Variants in EDEM3 observed in about 807,000 individuals in gnomAD.
The protein encoded by EDEM3 is ER degradation-enhancing alpha-mannosidase-like protein 3.
In EDEM3, 60 loss-of-function variants were observed where a neutral mutation model predicts 110.2. The ratio of observed to expected loss-of-function variants is 0.54; its 90% CI spans 0.44 to 0.67. The LOEUF is 0.67. Ranked by LOEUF, EDEM3 falls within the 30% of genes least tolerant of loss-of-function variation. EDEM3 has a pLI of 0.00. For synonymous variants in EDEM3, 352 were observed against 382.9 expected (o/e 0.92, Z 0.94); for missense variants, 996 against 1,121.0 (o/e 0.89, Z 1.59).
rs200047791 is a variant in EDEM3 at position 184,724,157 on chromosome 1, A to C, written c.748-301T>G. 2.0e-5 allele frequency among the ~76,000 whole-genome samples: 3 copies of C among 151,972 alleles called. No individual in the cohort carries two copies. The East Asian group carries it at 5.8e-4, about 29-fold the overall frequency. On this transcript the variant is annotated intron_variant, in intron 7 of 19. Coordinates refer to ENST00000318130, the MANE Select transcript of EDEM3 (RefSeq NM_025191.4). ...TCTTCATTTCATCTACTCTTGTAGC[A>C]CAAGTTCATATTCACACACATGTAT...
At chr1:184,709,938 A>C (rs868272241) in intron 16 of EDEM3, among the ~76,000 whole-genome samples, 71 of 152,340 alleles carry the variant, frequency 4.7e-4, no homozygotes, top group South Asian at 6.2e-4. Flanking sequence ...TTTCTCAAAA[A>C]GACATGTTAT....
chr1:184,694,225 T>C lies in EDEM3; in HGVS notation c.2637A>G (p.Glu879=), dbSNP rs368708865. The change falls in exon 20 of 20, where the codon GAA becomes GAG. Residue 879 remains glutamate, a synonymous_variant. Coordinates refer to ENST00000318130, the MANE Select transcript of EDEM3 (RefSeq NM_025191.4). ...ENHETTNLNG[E]CTDLDNQLQE... is the part of the protein sequence containing the mutation. ...GAAGCTGGTTATCTAAATCTGTACA[T>C]TCACCATTAAGATTTGTAGTCTCAT... The C allele has an allele frequency of 1.9e-6, 3 of 1,613,452 alleles. No homozygotes were observed. Among genetic ancestry groups the C allele is most frequent in the East Asian group, 2.2e-5 (1 of 44,868 alleles).
chr1:184,718,204 A>C (rs1650662418), intron 11 of EDEM3, among the ~76,000 whole-genome samples: 1 of 152,064 alleles, frequency 6.6e-6, no homozygotes, highest in South Asian at 2.1e-4. Flanking sequence ...TATTTTCTAA[A>C]AGCCTCAAAT....
At chr1:184,700,030 A>C (rs1649532363) in intron 19 of EDEM3, among the ~76,000 whole-genome samples, 1 of 151,970 alleles carries the variant, frequency 6.6e-6, no homozygotes, top group African/African-American at 2.4e-5. Context: ...AAACACTGAG[A>C]GATATGATAT....
chr1:184,737,878 T>C (rs1651923409), intron 2 of EDEM3, 167 bp from the exon 3 acceptor site: 1 of 624,772 alleles, frequency 1.6e-6, no homozygotes, highest in African/African-American at 1.9e-5. Context: ...ATGTAATACA[T>C]GCTTGGAAAA....
At chr1:184,727,418 C>CA (rs972133596) in intron 6 of EDEM3, among the ~76,000 whole-genome samples, 4 of 151,810 alleles carry the variant, frequency 2.6e-5, no homozygotes, top group Non-Finnish European at 2.9e-5. Context: ...AACAAATAAA[C>CA]AAAAAAAATC....
At chr1:184,710,738 T>C (rs1650180650) in intron 15 of EDEM3, among the ~76,000 whole-genome samples, 191 bp from the exon 16 acceptor site, 1 of 152,244 alleles carries the variant, frequency 6.6e-6, no homozygotes, top group Non-Finnish European at 1.5e-5. Context: ...TATAACATTT[T>C]CTAGTTATAA....
intron 19 of EDEM3, among the ~76,000 whole-genome samples, chr1:184,694,890 C>T (rs1265141672): frequency 6.6e-6 from 1 of 151,962 alleles, no homozygotes. Context: ...TATATCATTG[C>T]TATATTTTCA....
rs147475476 is a variant in EDEM3 at position 184,723,413 on chromosome 1, G to T, written c.853+338C>A. 1.5e-3 allele frequency among the ~76,000 whole-genome samples: 229 copies of T among 152,094 alleles called. 7 individuals carry two copies. The highest frequency in any genetic ancestry group is 0.014 in the Admixed American group (213 of 15,274). On this transcript the variant is annotated intron_variant, in intron 8 of 19. Coordinates refer to ENST00000318130, the MANE Select transcript of EDEM3 (RefSeq NM_025191.4). ...TATTTCTGGAGGTAGGAGAAAAAAA[G>T]AATTTATTAAACCCATATTCTTACT... is the stretch of plus-strand genomic sequence containing the variant.
intron 11 of EDEM3, among the ~76,000 whole-genome samples, chr1:184,718,493 T>C (rs1650679892): frequency 6.6e-6 from 1 of 152,114 alleles, no homozygotes; most frequent in Non-Finnish European, 1.5e-5. Context: ...GGAACCCTTC[T>C]AAGTTGGTAG....
At chr1:184,725,800 CT>C (rs938259261) in intron 7 of EDEM3, among the ~76,000 whole-genome samples, 22 of 151,846 alleles carry the variant, frequency 1.4e-4, no homozygotes, top group African/African-American at 5.3e-4. Flanking sequence ...TAACATTTCC[CT>C]TGCAGTAAAC....
chr1:184,702,000 T>C (rs1045096236), intron 19 of EDEM3, among the ~76,000 whole-genome samples: 1 of 152,080 alleles, frequency 6.6e-6, no homozygotes, highest in Non-Finnish European at 1.5e-5. Flanking sequence ...TGTACTATTA[T>C]GCAACTTCAT....
rs1253039785 is a variant in EDEM3, at chr1:184,694,153, C to T, written c.2709G>A (p.Trp903Ter). The change falls in exon 20 of 20, where the codon TGG (tryptophan) becomes TGA (stop). Residue 903 changes from tryptophan to a stop codon, truncating the protein, a stop_gained. Transcript: ENST00000318130. LOFTEE classifies it high-confidence loss of function. ...AGTCTATAGGCTGGACCTTTTTACCCCAGCTAACATTAGGATTGGAATCTT... is the reference window on the plus strand; with the variant it reads ...AGTCTATAGGCTGGACCTTTTTACCTCAGCTAACATTAGGATTGGAATCTT... ...TEEDSNPNVS[W>*]GKKVQPIDSI... 6.2e-7 allele frequency: 1 copy of T among 1,613,258 alleles called. No homozygotes were observed. The highest frequency in any genetic ancestry group is 1.3e-5 in the African/African-American group (1 of 74,870).
Position 184,708,334 on chromosome 1 carries a change from G to T in EDEM3, c.1856C>A (p.Ser619Ter). The T allele has an allele frequency of 6.2e-7, 1 of 1,607,412 alleles. No homozygotes were observed. Among genetic ancestry groups the T allele is most frequent in the Non-Finnish European group, 8.5e-7 (1 of 1,178,470 alleles). ...LVQHAIQAASSIDAEDGLRFM... is the reference protein window; with the variant it reads ...LVQHAIQAAS Reference sequence around the variant, plus strand: ...CCTCAACCCATCTTCAGCGTCGATTGAACTAGCAGCCTATGAAAAAAACAA... The same window carrying T: ...CCTCAACCCATCTTCAGCGTCGATTTAACTAGCAGCCTATGAAAAAAACAA... The change falls in exon 17 of 20, where the codon TCA (serine) becomes TAA (stop). Residue 619 changes from serine to a stop codon, truncating the protein, a stop_gained. Coordinates refer to ENST00000318130, the MANE Select transcript of EDEM3 (RefSeq NM_025191.4). LOFTEE classifies it high-confidence loss of function.
chr1:184,754,479 G>C lies in EDEM3; in HGVS notation c.158+10C>G. 6.2e-7 allele frequency: 1 copy of C among 1,612,870 alleles called. No homozygotes were observed. Among genetic ancestry groups the C allele is most frequent in the Non-Finnish European group, 8.5e-7 (1 of 1,179,622 alleles). On this transcript the variant is annotated intron_variant, in intron 1 of 19. Coordinates refer to ENST00000318130, the MANE Select transcript of EDEM3 (RefSeq NM_025191.4). ...CCGAGAAACCCACCCCAGGCTGCCA[G>C]CACCCTTACCCAAGCTTCTGTTTCT...
rs151054000 is a variant in EDEM3 at position 184,712,337 on chromosome 1, T to C, written c.1536+96A>G. ...TATATATTTATTCTTACCATACATA[T>C]ATTTATTGAATTCTACTCATGGATT... On this transcript the variant is annotated intron_variant, in intron 14 of 19. Coordinates refer to ENST00000318130, the MANE Select transcript of EDEM3 (RefSeq NM_025191.4). The C allele has an allele frequency of 2.6e-3, 2,914 of 1,116,958 alleles. 11 individuals are homozygous for C. The highest frequency in any genetic ancestry group is 2.8e-3 in the Non-Finnish European group (2,175 of 788,838). The allele number at this position is 1,116,958 out of a possible 1,614,324, so 69.2% of individuals were successfully genotyped here.
At chr1:184,746,707 A>G (rs1245259600) in intron 2 of EDEM3, among the ~76,000 whole-genome samples, 1 of 152,184 alleles carries the variant, frequency 6.6e-6, no homozygotes, top group Non-Finnish European at 1.5e-5. Flanking sequence ...TCTTGCTCTT[A>G]ATAATACTAT....
chr1:184,753,118 A>G (rs1329603753), intron 1 of EDEM3, among the ~76,000 whole-genome samples: 1 of 152,208 alleles, frequency 6.6e-6, no homozygotes. Context: ...TTTAAAGTAC[A>G]TAAAGTAAGA....
At chr1:184,733,557 C>T (rs1396866140) in intron 5 of EDEM3, among the ~76,000 whole-genome samples, 3 of 152,172 alleles carry the variant, frequency 2.0e-5, no homozygotes, top group African/African-American at 7.2e-5. Context: ...TGGCCAGGCG[C>T]AGTGGCTCAC....
Sources: gnomAD v4.1 joint callset for allele counts (sites outside exome capture counted in the v4.1 genomes callset) on GRCh38, gnomAD v4.1.1 for gene constraint, MANE v1.5 for transcripts, NCBI Gene and HGNC (gene_info 2026-07-23, HGNC 2026-07-21) for gene names.